CHEK2: variants seen among roughly 807,000 people sequenced by gnomAD.
CHEK2 encodes serine/threonine-protein kinase Chk2.
CHEK2 carries 71 observed loss-of-function variants against 69.1 expected under a neutral mutation model. The observed-to-expected ratio is 1.03, with a 90% CI of 0.85 to 1.25. The LOEUF is 1.25. Among genes scored for constraint, CHEK2 ranks in the 50% most tolerant of loss-of-function variants. The pLI is 0.00. For synonymous variants in CHEK2, 189 were observed against 226.9 expected (o/e 0.83, Z 1.50); for missense variants, 664 against 649.6 (o/e 1.02, Z -0.24).
chr22:28,726,445 GTATT>G (rs927959120), intron 2 of CHEK2: 16 of 144,588 alleles, frequency 1.1e-4, no homozygotes, highest in African/African-American at 3.3e-4. Flanking sequence ...TATATAATTT[GTATT>G]TATTATACAT....
At chr22:28,732,827 A>AT (rs1169705027) in intron 2 of CHEK2, among the ~76,000 whole-genome samples, 1 of 151,540 alleles carries the variant, frequency 6.6e-6, no homozygotes. Flanking sequence ...AAAAAACACT[A>AT]TTTTTTTTGG....
chr22:28,727,647 C>T (rs1456246631), intron 2 of CHEK2, among the ~76,000 whole-genome samples: 1 of 152,104 alleles, frequency 6.6e-6, no homozygotes, highest in East Asian at 1.9e-4. Context: ...TGTTAGGTTC[C>T]TATAAATCAG....
At chr22:28,732,255 G>A (rs2054241068) in intron 2 of CHEK2, among the ~76,000 whole-genome samples, 1 of 152,034 alleles carries the variant, frequency 6.6e-6, no homozygotes, top group South Asian at 2.1e-4. Context: ...GGGATTACAG[G>A]AGCCCGCCAC....
chr22:28,712,830 AC>A (rs2053451753), intron 5 of CHEK2, among the ~76,000 whole-genome samples: 1 of 152,144 alleles, frequency 6.6e-6, no homozygotes, highest in South Asian at 2.1e-4. Flanking sequence ...AAAATTTACC[AC>A]TGTAATCATT....
chr22:28,737,111 C>G (rs2054434153), intron 1 of CHEK2: 1 of 299,038 alleles, frequency 3.3e-6, no homozygotes, highest in Non-Finnish European at 7.0e-6. Flanking sequence ...GGAAACAACA[C>G]TATAGTAGTC....
intron 5 of CHEK2, among the ~76,000 whole-genome samples, chr22:28,714,553 T>C (rs1406826605): frequency 2.0e-5 from 3 of 152,216 alleles, no homozygotes; most frequent in South Asian, 2.1e-4. Context: ...TTATCAGATA[T>C]AGGGCTTGCA....
At position 28,703,566 on chromosome 22, in the gene CHEK2, G is replaced by A. The variant is rs1555917036; in HGVS notation, c.847C>T (p.Pro283Ser). The change falls in exon 8 of 15, where the codon CCT becomes TCT. Residue 283 changes from proline (P) to serine (S), a missense_variant and splice_region_variant. Physicochemically the swap from Pro to Ser is moderately conservative, Grantham distance 74 (BLOSUM62 -1). Coordinates refer to ENST00000404276, the MANE Select transcript of CHEK2 (RefSeq NM_007194.4). Reference protein sequence around the residue: ...EIEILKKLNHPCIIKIKNFFD... With the variant: ...EIEILKKLNHSCIIKIKNFFD... ...AAGTTTTTAATCTTGATGATGCAAG[G>A]CTAAGAAGAGGGGGAGAAAAAAGGG... The A allele has an allele frequency of 6.4e-7, 1 of 1,554,814 alleles. No homozygotes were observed. Among genetic ancestry groups the A allele is most frequent in the Non-Finnish European group, 8.8e-7 (1 of 1,132,396 alleles).
At chr22:28,716,162 C>G (rs185634292) in intron 5 of CHEK2, among the ~76,000 whole-genome samples, 233 of 151,924 alleles carry the variant, frequency 1.5e-3, no homozygotes, top group African/African-American at 5.4e-3. Context: ...CATGAGCCAC[C>G]ATACCCAGCC....
At chr22:28,726,383 A>G (rs2054012197) in intron 2 of CHEK2, 1 of 147,806 alleles carries the variant, frequency 6.8e-6, no homozygotes, top group Non-Finnish European at 1.5e-5. Flanking sequence ...AAATAAATAA[A>G]CAAATATTTA....
At chr22:28,725,488 G>C (rs559286827) in intron 2 of CHEK2, 121 bp from the exon 3 acceptor site, 5 of 1,177,736 alleles carry the variant, frequency 4.2e-6, no homozygotes, top group Non-Finnish European at 5.0e-6. Flanking sequence ...TTATCAATCT[G>C]CTTATCAAGA....
At chr22:28,707,151 T>G (rs1477111066) in intron 7 of CHEK2, among the ~76,000 whole-genome samples, 1 of 152,070 alleles carries the variant, frequency 6.6e-6, no homozygotes, top group Non-Finnish European at 1.5e-5. Context: ...GGTCACTGCC[T>G]GGGGCTGTCA....
At chr22:28,739,081 C>A (rs968740597) in intron 1 of CHEK2, among the ~76,000 whole-genome samples, 1 of 152,000 alleles carries the variant, frequency 6.6e-6, no homozygotes, top group Non-Finnish European at 1.5e-5. Flanking sequence ...CCAGCCTGGT[C>A]AACATGGCAA....
In CHEK2 at chr22:28,704,239, C is replaced by A. The variant is rs112427824; in HGVS notation, c.847-673G>T. Reference sequence around the variant, plus strand: ...ACTGAGGGTAAGGAAGAGAATACTGCACATTTTAAAATGCCTATACAATAT... The same window carrying A: ...ACTGAGGGTAAGGAAGAGAATACTGAACATTTTAAAATGCCTATACAATAT... On this transcript the variant is annotated intron_variant, in intron 7 of 14. Coordinates refer to ENST00000404276, the MANE Select transcript of CHEK2 (RefSeq NM_007194.4). Among the ~76,000 whole-genome samples, 82 of 151,834 alleles carry A rather than the reference C, an allele frequency of 5.4e-4. 1 individual carries two copies. Among genetic ancestry groups the A allele is most frequent in the Admixed American group, 1.4e-3 (21 of 15,202 alleles).
intron 9 of CHEK2, among the ~76,000 whole-genome samples, chr22:28,698,026 G>A (rs925700515): frequency 5.3e-5 from 8 of 151,734 alleles, no homozygotes; most frequent in East Asian, 1.9e-4. Flanking sequence ...AAGGGCTTGC[G>A]TTGTACCCCA....
At position 28,699,635 on chromosome 22, in the gene CHEK2, T is replaced by A. The variant is rs905368486; in HGVS notation, c.1008+203A>T. 67 of 574,202 alleles carry A rather than the reference T, an allele frequency of 1.2e-4. No individual in the cohort carries two copies. The African/African-American group carries it at 1.2e-3, about 10-fold the overall frequency. 35.6% of individuals were successfully genotyped at this position (574,202 alleles called of 1,614,324 possible). On this transcript the variant is annotated intron_variant, in intron 9 of 14. Coordinates refer to ENST00000404276, the MANE Select transcript of CHEK2 (RefSeq NM_007194.4). ...GCTTGGCCTCCCAAAATGCTGGGAT[T>A]ATGGGCATGAACCACCGCGCCTCGC...
Position 28,731,630 on chromosome 22 carries a change from CTATT to C in CHEK2, c.319+2769_319+2772del, listed in dbSNP as rs567668266. The stretch of plus-strand genomic sequence containing the variant: ...TAATAATAATAATGATAAACAGTCT[CTATT>C]TATTCAGCACCTACTTTATGCTGGT... On this transcript the variant is annotated intron_variant, in intron 2 of 14. Transcript: ENST00000404276. Among the ~76,000 whole-genome samples, 1,128 of 152,150 alleles carry C rather than the reference CTATT, an allele frequency of 7.4e-3. 15 individuals are homozygous for C. The highest frequency in any genetic ancestry group is 0.026 in the African/African-American group (1,087 of 41,530).
Position 28,711,993 on chromosome 22 carries a change from C to G in CHEK2, c.708G>C (p.Leu236=), listed in dbSNP as rs1359839685. ...LGSGACGEVK[L]AFERKTCKKV... ...TCTTACATGTTTTCCTCTCGAAAGC[C>G]AGCTTTACCTCTCCACAGGCACCAC... The change falls in exon 6 of 15, where the codon CTG becomes CTC. Residue 236 remains leucine (L), a synonymous_variant. Transcript: ENST00000404276. 1.2e-6 allele frequency: 2 copies of G among 1,613,774 alleles called. No homozygotes were observed. Among genetic ancestry groups the G allele is most frequent in the Non-Finnish European group, 1.7e-6 (2 of 1,179,908 alleles).
chr22:28,721,281 G>GTTTTTTTTTTT (rs755378917), intron 4 of CHEK2, among the ~76,000 whole-genome samples: 4 of 109,948 alleles, frequency 3.6e-5, no homozygotes, highest in Non-Finnish European at 3.6e-5. Context: ...GTTTGTTTGG[G>GTTTTTTTTTTT]TTTTTTTTTT....
At chr22:28,714,090 T>G (rs1431291650) in intron 5 of CHEK2, among the ~76,000 whole-genome samples, 2 of 152,230 alleles carry the variant, frequency 1.3e-5, no homozygotes, top group Non-Finnish European at 2.9e-5. Flanking sequence ...TGTTGTTGTT[T>G]TTTATGCCCC....
Sources: allele counts gnomAD v4.1 joint callset (sites outside exome capture counted in the v4.1 genomes callset), GRCh38; gene constraint gnomAD v4.1.1; transcripts MANE v1.5; gene names NCBI Gene and HGNC (gene_info 2026-07-23, HGNC 2026-07-21).